Variants in MGAT5 observed in about 807,000 individuals in gnomAD.
MGAT5 encodes the protein alpha-1,6-mannosylglycoprotein 6-beta-N-acetylglucosaminyltransferase A.
MGAT5 carries 30 observed loss-of-function variants against 94.3 expected under a neutral mutation model. The observed-to-expected ratio is 0.32, with a 90% CI of 0.24 to 0.43. MGAT5 has a LOEUF of 0.43. Ranked by LOEUF, MGAT5 falls within the 20% of genes least tolerant of loss-of-function variation. The probability of loss-of-function intolerance (pLI) is 1.00; values close to 1 mark genes in which losing one functional copy is unlikely to be tolerated. For missense variants in MGAT5, 691 were observed against 905.5 expected (o/e 0.76, Z 3.04); for synonymous variants, 310 against 322.9 (o/e 0.96, Z 0.43).
chr2:134,134,318 C>A lies in MGAT5; in HGVS notation c.-143+14027C>A, dbSNP rs568021054. On this transcript the variant is annotated intron_variant, in intron 1 of 16. Coordinates refer to the MGAT5 transcript ENST00000409645. ...GTGCTAGCAACAGAAACCTGCCAGACCTTGCTTCAGTGGAAGGAGAGAACT... is the reference window on the plus strand; with the variant it reads ...GTGCTAGCAACAGAAACCTGCCAGAACTTGCTTCAGTGGAAGGAGAGAACT... Among the ~76,000 whole-genome samples the A allele has an allele frequency of 2.6e-5, 4 of 152,216 alleles. No homozygotes were observed. In the East Asian group the frequency reaches 7.7e-4, roughly 29 times the overall value.
chr2:134,237,974 C>T (rs1681756383), intron 1 of MGAT5, among the ~76,000 whole-genome samples: 1 of 152,178 alleles, frequency 6.6e-6, no homozygotes. Flanking sequence ...TGATCTCCAA[C>T]TCCTGACCTT....
chr2:134,284,540 C>T (rs1459369385), intron 2 of MGAT5, among the ~76,000 whole-genome samples: 3 of 151,640 alleles, frequency 2.0e-5, no homozygotes, highest in Non-Finnish European at 1.5e-5. Context: ...GCATGCAACC[C>T]TGTGTGCTAA....
chr2:134,167,513 A>G (rs945336212), intron 1 of MGAT5, among the ~76,000 whole-genome samples: 1 of 152,182 alleles, frequency 6.6e-6, no homozygotes, highest in Admixed American at 6.5e-5. Context: ...AGATTTTTGC[A>G]TTCATACCTT....
At chr2:134,222,165 C>G (rs1680809617) in intron 1 of MGAT5, among the ~76,000 whole-genome samples, 1 of 152,182 alleles carries the variant, frequency 6.6e-6, no homozygotes, top group Non-Finnish European at 1.5e-5. Context: ...TGGATCAGAT[C>G]TATTTTCTGA....
intron 1 of MGAT5, among the ~76,000 whole-genome samples, chr2:134,178,739 C>T (rs1391045080): frequency 6.6e-6 from 1 of 152,148 alleles, no homozygotes; most frequent in African/African-American, 2.4e-5. Flanking sequence ...ATTCCCTTCC[C>T]CCGTGCCACA....
intron 2 of MGAT5, among the ~76,000 whole-genome samples, chr2:134,294,180 G>A (rs938428033): frequency 6.6e-6 from 1 of 152,106 alleles, no homozygotes. Context: ...ACTGTTTTAG[G>A]CATCATCAGG....
intron 1 of MGAT5, among the ~76,000 whole-genome samples, chr2:134,209,152 ATTTTT>A (rs869116395): frequency 4.8e-5 from 1 of 20,780 alleles, no homozygotes; most frequent in Non-Finnish European, 6.4e-5. Context: ...TTTTTTTTTT[ATTTTT>A]TTTTTTTTTT....
At chr2:134,242,322 C>A (rs1682017792) in intron 1 of MGAT5, among the ~76,000 whole-genome samples, 1 of 152,172 alleles carries the variant, frequency 6.6e-6, no homozygotes, top group African/African-American at 2.4e-5. Context: ...TTGTCAGCAA[C>A]TAGAAAGTAG....
At chr2:134,416,130 A>T (rs72980071) in intron 12 of MGAT5, among the ~76,000 whole-genome samples, 4,082 of 152,332 alleles carry the variant, frequency 0.027, 141 homozygotes, top group African/African-American at 0.084. Context: ...ACAACATAAA[A>T]CTTACCATTT....
At chr2:134,124,893 C>G (rs1008255253) in intron 1 of MGAT5, among the ~76,000 whole-genome samples, 2 of 152,262 alleles carry the variant, frequency 1.3e-5, no homozygotes, top group Non-Finnish European at 2.9e-5. Flanking sequence ...CCTGTTTGAA[C>G]TTCACGCTTT....
intron 14 of MGAT5, among the ~76,000 whole-genome samples, chr2:134,437,649 G>A (rs1685234640): frequency 6.6e-6 from 1 of 152,182 alleles, no homozygotes; most frequent in South Asian, 2.1e-4. Context: ...ATGATTTGGT[G>A]TATGTGGATT....
At chr2:134,363,951 G>T (rs888380170) in intron 10 of MGAT5, among the ~76,000 whole-genome samples, 1 of 152,178 alleles carries the variant, frequency 6.6e-6, no homozygotes, top group Non-Finnish European at 1.5e-5. Context: ...TACGGCATTG[G>T]TTTTAGGAGG....
intron 1 of MGAT5, among the ~76,000 whole-genome samples, chr2:134,179,577 T>C (rs1688639443): frequency 6.6e-6 from 1 of 152,218 alleles, no homozygotes; most frequent in Admixed American, 6.5e-5. Flanking sequence ...TATCAGCTTA[T>C]AGAGACTGAG....
intron 2 of MGAT5, among the ~76,000 whole-genome samples, chr2:134,282,683 A>T (rs1376655400): frequency 1.3e-5 from 2 of 152,230 alleles, no homozygotes; most frequent in Non-Finnish European, 1.5e-5. Flanking sequence ...CAGTGAAGGC[A>T]GATAGGAAAC....
chr2:134,421,143 C>A (rs1462443675), intron 12 of MGAT5, among the ~76,000 whole-genome samples: 2 of 152,200 alleles, frequency 1.3e-5, no homozygotes, highest in Non-Finnish European at 2.9e-5. Context: ...ACTCTGACAT[C>A]CTCAGTGGCA....
chr2:134,130,463 G>C (rs1686098156), intron 1 of MGAT5, among the ~76,000 whole-genome samples: 1 of 152,262 alleles, frequency 6.6e-6, no homozygotes. Context: ...GGCGAAGCTA[G>C]CTGGGCTTCT....
intron 3 of MGAT5, among the ~76,000 whole-genome samples, 182 bp from the exon 4 acceptor site, chr2:134,318,468 G>A (rs1043304367): frequency 2.0e-5 from 3 of 152,088 alleles, no homozygotes; most frequent in Non-Finnish European, 4.4e-5. Context: ...CCTGTTAATC[G>A]TCCAAGTAGG....
intron 2 of MGAT5, among the ~76,000 whole-genome samples, chr2:134,285,258 CT>C (rs144222719): frequency 4.6e-5 from 7 of 151,278 alleles, no homozygotes; most frequent in East Asian, 3.9e-4. Flanking sequence ...TCAATGACAG[CT>C]TTTTTTTTCT....
chr2:134,306,927 C>T (rs148365552), intron 2 of MGAT5, among the ~76,000 whole-genome samples: 34 of 152,116 alleles, frequency 2.2e-4, no homozygotes, highest in African/African-American at 7.7e-4. Flanking sequence ...CCGGGACATG[C>T]GGGTGCTACT....
Sources: allele counts gnomAD v4.1 joint callset (sites outside exome capture counted in the v4.1 genomes callset), GRCh38; gene constraint gnomAD v4.1.1; transcripts MANE v1.5; gene names NCBI Gene and HGNC (gene_info 2026-07-23, HGNC 2026-07-21).